Variants in LGSN observed in about 807,000 individuals in gnomAD.
LGSN encodes the protein lengsin.
In LGSN, 21 loss-of-function variants were observed where a neutral mutation model predicts 19.5. The observed-to-expected ratio is 1.07, with a 90% CI of 0.76 to 1.55. The LOEUF is 1.55. Ranked by LOEUF, LGSN falls within the 40% of genes most tolerant of loss-of-function variation. The pLI is 0.00. For missense variants in LGSN, 673 were observed against 608.5 expected (o/e 1.11, Z -1.12); for synonymous variants, 257 against 215.6 (o/e 1.19, Z -1.68).
chr6:63,280,770 T>G lies in LGSN; in HGVS notation c.781A>C (p.Thr261Pro). 2 of 1,614,068 alleles carry G rather than the reference T, an allele frequency of 1.2e-6. No homozygotes were observed. Among genetic ancestry groups the G allele is most frequent in the Non-Finnish European group, 1.7e-6 (2 of 1,180,000 alleles). Residue 261 changes from threonine (T) to proline (P), a missense_variant, in exon 4 of 4, where the codon ACC becomes CCC. Coordinates refer to ENST00000370657, the MANE Select transcript of LGSN (RefSeq NM_016571.3). ...GAGATTTCCATCTGACCAGGCCTGG[T>G]AGAGGAGGAAAAACTCTCGACATTG... ...GANVESFSSS[T>P]RPGQMEISFL...
the LGSN span, among the ~76,000 whole-genome samples, chr6:63,388,482 T>C: frequency 6.6e-6 from 1 of 152,044 alleles, no homozygotes. Context: ...TGAGCCCTAA[T>C]CTGATATGAC....
chr6:63,523,757 G>A, the LGSN span, among the ~76,000 whole-genome samples: 6 of 151,974 alleles, frequency 3.9e-5, no homozygotes, highest in Non-Finnish European at 5.9e-5. Flanking sequence ...ATCAGCTATC[G>A]TTAGTGTTAG....
chr6:63,404,802 T>TC, the LGSN span, among the ~76,000 whole-genome samples: 4 of 152,100 alleles, frequency 2.6e-5, no homozygotes, highest in Admixed American at 1.3e-4. Flanking sequence ...GTATTTCTTT[T>TC]TTTTATTTTA....
chr6:63,436,316 G>C, the LGSN span, among the ~76,000 whole-genome samples: 12 of 152,128 alleles, frequency 7.9e-5, no homozygotes, highest in Non-Finnish European at 1.8e-4. Flanking sequence ...TGGCCAGCCT[G>C]GTTTCAATCT....
the LGSN span, among the ~76,000 whole-genome samples, chr6:63,552,497 T>C: frequency 6.6e-6 from 1 of 152,236 alleles, no homozygotes; most frequent in Non-Finnish European, 1.5e-5. Context: ...CTGTTCACTC[T>C]GATGGTAGTT....
At chr6:63,413,026 G>A in the LGSN span, among the ~76,000 whole-genome samples, 2 of 152,056 alleles carry the variant, frequency 1.3e-5, no homozygotes, top group Non-Finnish European at 2.9e-5. Context: ...GCTAAAATAA[G>A]TCAATAAGGT....
chr6:63,486,321 GT>G, the LGSN span, among the ~76,000 whole-genome samples: 1 of 152,136 alleles, frequency 6.6e-6, no homozygotes, highest in Non-Finnish European at 1.5e-5. Context: ...TGATCAACAT[GT>G]TTTTGGAGGT....
At chr6:63,424,772 C>T in the LGSN span, among the ~76,000 whole-genome samples, 5 of 151,998 alleles carry the variant, frequency 3.3e-5, no homozygotes, top group Admixed American at 2.6e-4. Flanking sequence ...ATTAGTCAGG[C>T]ATGGTGCTGC....
At chr6:63,400,996 A>T in the LGSN span, among the ~76,000 whole-genome samples, 5 of 152,050 alleles carry the variant, frequency 3.3e-5, no homozygotes, top group Non-Finnish European at 4.4e-5. Flanking sequence ...CTCTGTGTTT[A>T]AAAAAAACAT....
the LGSN span, among the ~76,000 whole-genome samples, chr6:63,495,041 A>G: frequency 2.0e-5 from 3 of 152,116 alleles, no homozygotes; most frequent in Non-Finnish European, 2.9e-5. Flanking sequence ...TTGTCTATTA[A>G]CCTATATAAT....
At chr6:63,375,493 A>C in the LGSN span, among the ~76,000 whole-genome samples, 1 of 151,992 alleles carries the variant, frequency 6.6e-6, no homozygotes, top group African/African-American at 2.4e-5. Flanking sequence ...GCTGGATCAT[A>C]AATGGAAACA....
chr6:63,522,469 G>A, the LGSN span, among the ~76,000 whole-genome samples: 2 of 152,190 alleles, frequency 1.3e-5, no homozygotes, highest in African/African-American at 4.8e-5. Flanking sequence ...AAATGCCAGA[G>A]CTCTTTATCA....
At chr6:63,532,168 TAAC>T in the LGSN span, among the ~76,000 whole-genome samples, 2 of 152,216 alleles carry the variant, frequency 1.3e-5, no homozygotes, top group African/African-American at 4.8e-5. Context: ...AAATTAGAAA[TAAC>T]AATTCAATCT....
chr6:63,358,198 G>A, the LGSN span, among the ~76,000 whole-genome samples: 87 of 152,290 alleles, frequency 5.7e-4, no homozygotes, highest in African/African-American at 2.1e-3. Flanking sequence ...CCATATCTAT[G>A]TTTTGCTACC....
chr6:63,349,585 C>G, the LGSN span, among the ~76,000 whole-genome samples: 1 of 152,158 alleles, frequency 6.6e-6, no homozygotes, highest in African/African-American at 2.4e-5. Context: ...GAGATTCAAA[C>G]TATGATTGCA....
chr6:63,332,430 G>A, the LGSN span, among the ~76,000 whole-genome samples: 33 of 152,216 alleles, frequency 2.2e-4, no homozygotes, highest in Non-Finnish European at 1.0e-4. Context: ...TGAGAGTTCC[G>A]CTCATGGCCG....
At chr6:63,356,705 C>T in the LGSN span, among the ~76,000 whole-genome samples, 2 of 152,202 alleles carry the variant, frequency 1.3e-5, no homozygotes, top group Middle Eastern at 6.8e-3. Flanking sequence ...ATGCATATAC[C>T]TAGGAGAAGA....
At chr6:63,523,954 T>C in the LGSN span, among the ~76,000 whole-genome samples, 191 of 152,228 alleles carry the variant, frequency 1.3e-3, 1 homozygote, top group Non-Finnish European at 1.2e-4. Context: ...TAGAAATAAA[T>C]TAAATATTAA....
the LGSN span, among the ~76,000 whole-genome samples, chr6:63,398,124 A>C: frequency 6.6e-6 from 1 of 151,366 alleles, no homozygotes; most frequent in Admixed American, 6.6e-5. Flanking sequence ...TACAGTAAAT[A>C]AAACTTGATG....
Sources: gnomAD v4.1 joint callset for allele counts (sites outside exome capture counted in the v4.1 genomes callset) on GRCh38, gnomAD v4.1.1 for gene constraint, MANE v1.5 for transcripts, NCBI Gene and HGNC (gene_info 2026-07-23, HGNC 2026-07-21) for gene names.